The following CHMP7 variants were observed in gnomAD, a reference collection of about 807,000 sequenced individuals.
CHMP7 encodes the protein charged multivesicular body protein 7, also known as CHMP family, member 7.
Under a neutral mutation model 53.7 loss-of-function variants are expected in CHMP7, and 15 were observed. The observed-to-expected ratio is 0.28, with a 90% CI of 0.19 to 0.43. CHMP7 has a LOEUF of 0.43. Ranked by LOEUF, CHMP7 falls within the 20% of genes least tolerant of loss-of-function variation. CHMP7 has a pLI of 1.00. For synonymous variants in CHMP7, 261 were observed against 228.0 expected (o/e 1.14, Z -1.30); for missense variants, 527 against 569.4 (o/e 0.93, Z 0.76).
chr8:23,257,243 T>G (rs1034403232), intron 5 of CHMP7, among the ~76,000 whole-genome samples: 1 of 151,874 alleles, frequency 6.6e-6, no homozygotes, highest in Non-Finnish European at 1.5e-5. Context: ...ACCACAAGTG[T>G]GCACCACCAT....
intron 5 of CHMP7, 47 bp from the exon 6 acceptor site, chr8:23,257,986 A>G (rs1255697876): frequency 7.1e-7 from 1 of 1,408,830 alleles, no homozygotes; most frequent in Non-Finnish European, 1.0e-6. Context: ...GGACCCTGCC[A>G]CTCCCATCCT....
rs765712857 is a variant in CHMP7, at chr8:23,258,324, C to T, written c.841-6C>T. The T allele has an allele frequency of 1.1e-5, 18 of 1,614,060 alleles. No individual in the cohort carries two copies. Among genetic ancestry groups the T allele is most frequent in the Middle Eastern group, 1.6e-4 (1 of 6,084 alleles). On this transcript the variant is annotated splice_region_variant and splice_polypyrimidine_tract_variant and intron_variant, in intron 6 of 10. Coordinates refer to ENST00000397677, the MANE Select transcript of CHMP7 (RefSeq NM_152272.5). The stretch of plus-strand genomic sequence containing the variant: ...TCAGCACTGACCTAAGTCTCCATGC[C>T]TCCAGGCACTGAGGTCTCTCAAGGC...
chr8:23,247,941 T>C (rs1177730937), intron 2 of CHMP7: 1 of 377,850 alleles, frequency 2.6e-6, no homozygotes, highest in Admixed American at 3.5e-5. Context: ...TTTAGTTTGC[T>C]GCTCTTTCTG....
chr8:23,249,976 A>G (rs1801853806), intron 3 of CHMP7, among the ~76,000 whole-genome samples: 1 of 151,952 alleles, frequency 6.6e-6, no homozygotes, highest in Admixed American at 6.6e-5. Flanking sequence ...GCTCCTTTGC[A>G]TCTCCTTTGG....
At chr8:23,249,809 C>T (rs1801848028) in intron 3 of CHMP7, among the ~76,000 whole-genome samples, 1 of 152,170 alleles carries the variant, frequency 6.6e-6, no homozygotes, top group Non-Finnish European at 1.5e-5. Flanking sequence ...TTCTGATGGC[C>T]TGCCTTCTGC....
chr8:23,245,227 T>C (rs1801644069), intron 1 of CHMP7, among the ~76,000 whole-genome samples: 3 of 152,254 alleles, frequency 2.0e-5, no homozygotes, highest in Admixed American at 2.0e-4. Context: ...TGGAAAACGA[T>C]CTAGGTTTTC....
chr8:23,253,234 A>T (rs1801996688), intron 3 of CHMP7, among the ~76,000 whole-genome samples: 1 of 152,182 alleles, frequency 6.6e-6, no homozygotes, highest in Non-Finnish European at 1.5e-5. Context: ...TCAGATTTGT[A>T]TATCCACTGA....
At chr8:23,256,375 C>G (rs1260373151) in intron 4 of CHMP7, 85 bp from the exon 5 acceptor site, 3 of 885,514 alleles carry the variant, frequency 3.4e-6, no homozygotes, top group Non-Finnish European at 5.7e-6. Context: ...GCCTGCTGTT[C>G]TCACATGCCC....
intron 5 of CHMP7, 158 bp downstream of exon 5, chr8:23,256,751 G>GCACAGAATAT (rs1447735007): frequency 2.7e-5 from 9 of 336,976 alleles, no homozygotes; most frequent in Non-Finnish European, 4.2e-5. Context: ...ATCATGGAAA[G>GCACAGAATAT]CACAGAATAT....
intron 2 of CHMP7, 35 bp from the exon 3 acceptor site, chr8:23,249,175 G>C (rs763861425): frequency 6.6e-7 from 1 of 1,526,192 alleles, no homozygotes; most frequent in Admixed American, 2.2e-5. Flanking sequence ...ATTGCATTAA[G>C]TGCTACTACA....
chr8:23,253,333 TAGTGC>T (rs1429598110), intron 3 of CHMP7, among the ~76,000 whole-genome samples: 1 of 152,216 alleles, frequency 6.6e-6, no homozygotes, highest in Non-Finnish European at 1.5e-5. Context: ...GCCCAGGCTG[TAGTGC>T]AGTGGCACAA....
At chr8:23,258,487 C>A in intron 7 of CHMP7, 38 bp downstream of exon 7, 1 of 1,611,320 alleles carries the variant, frequency 6.2e-7, no homozygotes, top group South Asian at 1.1e-5. Context: ...TGGCTGGTCT[C>A]TCCGTGTGTG....
At chr8:23,258,279 T>G in intron 6 of CHMP7, 51 bp from the exon 7 acceptor site, 1 of 1,611,890 alleles carries the variant, frequency 6.2e-7, no homozygotes, top group Non-Finnish European at 8.5e-7. Context: ...GTCTTCCTCT[T>G]GCCCTTTGGC....
intron 9 of CHMP7, 136 bp from the exon 10 acceptor site, chr8:23,260,008 C>T (rs773925448): frequency 1.3e-4 from 87 of 657,706 alleles, no homozygotes; most frequent in African/African-American, 9.1e-4. Context: ...TCCTGACTTC[C>T]GGGATTTTTT....
intron 8 of CHMP7, 74 bp downstream of exon 8, chr8:23,258,904 C>A: frequency 8.6e-7 from 1 of 1,165,010 alleles, no homozygotes; most frequent in Non-Finnish European, 1.3e-6. Context: ...ATTGCACATC[C>A]TCTTTAACGA....
intron 1 of CHMP7, among the ~76,000 whole-genome samples, chr8:23,244,184 A>G (rs1248566765): frequency 6.6e-6 from 1 of 152,180 alleles, no homozygotes; most frequent in Non-Finnish European, 1.5e-5. Flanking sequence ...TATTTCTTTC[A>G]TGGATTATGC....
At chr8:23,250,478 G>C (rs1801877168) in intron 3 of CHMP7, among the ~76,000 whole-genome samples, 5 of 152,082 alleles carry the variant, frequency 3.3e-5, no homozygotes, top group Admixed American at 1.3e-4. Context: ...TGTGGTACCT[G>C]GGCCCTGCCT....
chr8:23,252,683 T>C (rs1306014738), intron 3 of CHMP7, among the ~76,000 whole-genome samples: 1 of 152,242 alleles, frequency 6.6e-6, no homozygotes, highest in East Asian at 1.9e-4. Flanking sequence ...GGCTATTGAA[T>C]TTCAGGTCTT....
intron 3 of CHMP7, among the ~76,000 whole-genome samples, chr8:23,250,318 C>G (rs1801871029): frequency 6.6e-6 from 1 of 152,008 alleles, no homozygotes; most frequent in African/African-American, 2.4e-5. Context: ...GTGTAGTGTC[C>G]TTCCTCTGCC....
Sources: allele counts gnomAD v4.1 joint callset (sites outside exome capture counted in the v4.1 genomes callset), GRCh38; gene constraint gnomAD v4.1.1; transcripts MANE v1.5; gene names NCBI Gene and HGNC (gene_info 2026-07-23, HGNC 2026-07-21).